The following MARCHF1 variants were observed in gnomAD, a reference collection of about 807,000 sequenced individuals.
MARCHF1 encodes membrane associated ring-CH-type finger 1.
In MARCHF1, 40 loss-of-function variants were observed where a neutral mutation model predicts 54.2. That is an observed-to-expected ratio of 0.74 (90% CI 0.57 to 0.96). MARCHF1 has a LOEUF of 0.96. MARCHF1 is among the 40% of genes least tolerant of loss of function. The pLI, the probability that MARCHF1 is intolerant of heterozygous loss-of-function variation, is 0.00. For synonymous variants in MARCHF1, 236 were observed against 236.3 expected, an observed-to-expected ratio of 1.00 and a Z score of 0.01; for missense variants, 586 against 656.5, an observed-to-expected ratio of 0.89 and a Z score of 1.17.
chr4:163,945,633 C>A (rs1752008679), intron 3 of MARCHF1, among the ~76,000 whole-genome samples: 1 of 152,140 alleles, frequency 6.6e-6, no homozygotes, highest in Non-Finnish European at 1.5e-5. Context: ...ATTAGCAACT[C>A]AATATTTTGC....
Position 164,277,495 on chromosome 4 carries a change from C to T in MARCHF1, c.-323+106375G>A, listed in dbSNP as rs149694115. On this transcript the variant is annotated intron_variant, in intron 1 of 9. Transcript: ENST00000514618. ...ATTTAAGCCACATTATACCTTTCTT[C>T]AGTTTTTTATATAGACTTCGTTGCA... is the stretch of plus-strand genomic sequence containing the variant. Among the ~76,000 whole-genome samples, 91 of 152,328 alleles carry T rather than the reference C, an allele frequency of 6.0e-4. 1 individual carries two copies. In the East Asian group the frequency reaches 0.016, roughly 26 times the overall value.
intron 4 of MARCHF1, among the ~76,000 whole-genome samples, chr4:163,730,153 T>C (rs1745784212): frequency 6.6e-6 from 1 of 152,164 alleles, no homozygotes; most frequent in Non-Finnish European, 1.5e-5. Context: ...TTCTTTCTTC[T>C]GTCTGTTCAA....
At chr4:163,546,647 A>G (rs1282428556) in intron 8 of MARCHF1, among the ~76,000 whole-genome samples, 1 of 152,220 alleles carries the variant, frequency 6.6e-6, no homozygotes, top group Non-Finnish European at 1.5e-5. Context: ...GGGCGATACT[A>G]GAAAATCTGC....
chr4:163,762,977 A>G (rs984793666), intron 4 of MARCHF1, among the ~76,000 whole-genome samples: 2 of 152,150 alleles, frequency 1.3e-5, no homozygotes, highest in African/African-American at 2.4e-5. Context: ...GCAAAATACA[A>G]GTGGTGTGTT....
chr4:163,968,192 G>T (rs1257047578), intron 3 of MARCHF1, among the ~76,000 whole-genome samples: 1 of 151,914 alleles, frequency 6.6e-6, no homozygotes, highest in Non-Finnish European at 1.5e-5. Context: ...TGAGAACCTT[G>T]GTTTGCAGAT....
intron 1 of MARCHF1, among the ~76,000 whole-genome samples, chr4:164,187,317 G>A (rs1267472692): frequency 6.6e-6 from 1 of 152,136 alleles, no homozygotes; most frequent in Non-Finnish European, 1.5e-5. Context: ...TCTCCCTCTG[G>A]ATCAGAGGCA....
At chr4:163,934,533 T>A (rs930658013) in intron 3 of MARCHF1, among the ~76,000 whole-genome samples, 2 of 128,012 alleles carry the variant, frequency 1.6e-5, no homozygotes, top group Non-Finnish European at 3.1e-5. Flanking sequence ...CACTCCAGCC[T>A]GGGTGACAGA....
chr4:163,966,250 T>C (rs1425327891), intron 3 of MARCHF1, among the ~76,000 whole-genome samples: 1 of 152,040 alleles, frequency 6.6e-6, no homozygotes, highest in Non-Finnish European at 1.5e-5. Flanking sequence ...TTATTTTGCA[T>C]ATAAGGGAGA....
chr4:164,315,059 A>C (rs1734959772), intron 1 of MARCHF1, among the ~76,000 whole-genome samples: 1 of 152,130 alleles, frequency 6.6e-6, no homozygotes, highest in South Asian at 2.1e-4. Context: ...GCCACAGTTT[A>C]CTGGAGTATG....
chr4:163,842,976 A>G (rs963024032), intron 4 of MARCHF1, among the ~76,000 whole-genome samples: 2 of 98,840 alleles, frequency 2.0e-5, no homozygotes, highest in Non-Finnish European at 4.5e-5. Flanking sequence ...TAGTGAGTAC[A>G]GGGTGCAATA....
chr4:163,687,236 T>TG (rs1174038365), intron 5 of MARCHF1, among the ~76,000 whole-genome samples: 3 of 151,988 alleles, frequency 2.0e-5, no homozygotes, highest in African/African-American at 7.2e-5. Flanking sequence ...CAGATCTTTT[T>TG]TTTTTTTTTG....
chr4:164,062,228 A>T (rs1754634012), intron 2 of MARCHF1, among the ~76,000 whole-genome samples: 1 of 152,178 alleles, frequency 6.6e-6, no homozygotes, highest in Non-Finnish European at 1.5e-5. Context: ...ATTCAGTCAC[A>T]TTGACAGGCT....
intron 9 of MARCHF1, among the ~76,000 whole-genome samples, chr4:163,543,567 G>T (rs1463686639): frequency 6.6e-6 from 1 of 152,082 alleles, no homozygotes; most frequent in East Asian, 1.9e-4. Context: ...AATTTGGGAA[G>T]TTATCAGCGG....
At chr4:163,865,640 G>A (rs1276985709) in intron 3 of MARCHF1, among the ~76,000 whole-genome samples, 2 of 151,502 alleles carry the variant, frequency 1.3e-5, no homozygotes, top group Non-Finnish European at 3.0e-5. Flanking sequence ...AAGACCTATG[G>A]CTTTATAACA....
Position 163,924,775 on chromosome 4 carries a change from T to G in MARCHF1, c.-39+63726A>C, listed in dbSNP as rs115997435. Among the ~76,000 whole-genome samples the G allele has an allele frequency of 7.0e-3, 1,064 of 151,978 alleles. 12 individuals carry two copies. Among genetic ancestry groups the G allele is most frequent in the East Asian group, 0.034 (178 of 5,178 alleles). On this transcript the variant is annotated intron_variant, in intron 3 of 9. Coordinates refer to ENST00000514618, the MANE Select transcript of MARCHF1 (RefSeq NM_001394959.1). ...GAGCCTAGAAAGGTTTAATCCAAAGTCCAAGCTCTTCGCCAAATTTGCTCT... is the reference window on the plus strand; with the variant it reads ...GAGCCTAGAAAGGTTTAATCCAAAGGCCAAGCTCTTCGCCAAATTTGCTCT...
intron 1 of MARCHF1, among the ~76,000 whole-genome samples, chr4:164,347,739 C>T (rs1730147584): frequency 6.6e-6 from 1 of 152,060 alleles, no homozygotes; most frequent in Non-Finnish European, 1.5e-5. Flanking sequence ...TCTGCAGTTA[C>T]TAGAAGGTTT....
intron 1 of MARCHF1, among the ~76,000 whole-genome samples, chr4:164,158,331 C>T (rs982381017): frequency 2.6e-5 from 4 of 151,848 alleles, no homozygotes; most frequent in African/African-American, 9.7e-5. Flanking sequence ...AAATTTGAAC[C>T]AAATATGTGA....
intron 1 of MARCHF1, among the ~76,000 whole-genome samples, chr4:164,364,667 T>C (rs1267186013): frequency 6.6e-6 from 1 of 151,900 alleles, no homozygotes; most frequent in Non-Finnish European, 1.5e-5. Context: ...GTAATGCCTC[T>C]GTAACCTTCT....
chr4:163,888,714 T>G (rs1203387504), intron 3 of MARCHF1, among the ~76,000 whole-genome samples: 1 of 152,154 alleles, frequency 6.6e-6, no homozygotes, highest in Non-Finnish European at 1.5e-5. Context: ...TCTAAGCCTA[T>G]AAGGCTAAGA....
Sources: allele counts gnomAD v4.1 joint callset (sites outside exome capture counted in the v4.1 genomes callset), GRCh38; gene constraint gnomAD v4.1.1; transcripts MANE v1.5; gene names NCBI Gene and HGNC (gene_info 2026-07-23, HGNC 2026-07-21).